The following TSNARE1 variants were observed in gnomAD, a reference collection of about 807,000 sequenced individuals.
TSNARE1 encodes t-SNARE domain containing 1, also known as t-SNARE domain-containing protein 1.
In TSNARE1, 49 loss-of-function variants were observed where a neutral mutation model predicts 62.0. The ratio of observed to expected loss-of-function variants is 0.79; its 90% CI spans 0.63 to 1.00. The LOEUF is 1.00. Ranked by LOEUF, TSNARE1 falls within the 50% of genes least tolerant of loss-of-function variation. The pLI is 0.00. For synonymous variants in TSNARE1, 328 were observed against 294.4 expected, an observed-to-expected ratio of 1.11 and a Z score of -1.17; for missense variants, 755 against 700.1, an observed-to-expected ratio of 1.08 and a Z score of -0.88.
In TSNARE1 at chr8:142,317,252, G is replaced by A. The variant is rs111256985; in HGVS notation, c.984+1292C>T. ...ACGACCAGCGGCTCACACTGTACGCGTGAAGCGGGTATGGCCAGCGGCTCA... is the reference window on the plus strand; with the variant it reads ...ACGACCAGCGGCTCACACTGTACGCATGAAGCGGGTATGGCCAGCGGCTCA... On this transcript the variant is annotated intron_variant, in intron 7 of 13. Coordinates refer to ENST00000524325, the MANE Select transcript of TSNARE1 (RefSeq NM_145003.5). Among the ~76,000 whole-genome samples, 18 of 138,894 alleles carry A rather than the reference G, an allele frequency of 1.3e-4. No homozygotes were observed. The East Asian group carries it at 1.3e-3, about 10-fold the overall frequency. 91.1% of individuals were successfully genotyped at this position (138,894 alleles called of 152,430 possible).
chr8:142,396,443 C>T (rs1277910149), intron 1 of TSNARE1, among the ~76,000 whole-genome samples: 1 of 152,168 alleles, frequency 6.6e-6, no homozygotes, highest in African/African-American at 2.4e-5. Context: ...ACCTGGATTC[C>T]TTCAAGCCTG....
At chr8:142,288,884 G>A (rs1823277871) in intron 10 of TSNARE1, among the ~76,000 whole-genome samples, 1 of 152,254 alleles carries the variant, frequency 6.6e-6, no homozygotes, top group Non-Finnish European at 1.5e-5. Context: ...TGTGAGAGGG[G>A]ACCATGGCTC....
chr8:142,380,040 C>T (rs35640229), intron 1 of TSNARE1, among the ~76,000 whole-genome samples: 20,536 of 152,144 alleles, frequency 0.13, 1,477 homozygotes, highest in East Asian at 0.22. Context: ...CTCCCCACTG[C>T]CAAATCTGCG....
At chr8:142,290,469 C>G (rs1328240391) in intron 10 of TSNARE1, among the ~76,000 whole-genome samples, 2 of 152,338 alleles carry the variant, frequency 1.3e-5, no homozygotes, top group African/African-American at 2.4e-5. Flanking sequence ...GCGGAAAAAG[C>G]CCCTTGCACG....
Position 142,317,342 on chromosome 8 carries a change from G to A in TSNARE1, c.984+1202C>T, listed in dbSNP as rs1170826420. 6.3e-5 allele frequency among the ~76,000 whole-genome samples: 9 copies of A among 142,262 alleles called. 1 individual carries two copies. The highest frequency in any genetic ancestry group is 2.3e-4 in the African/African-American group (9 of 38,316). The allele number at this position is 142,262 out of a possible 152,430, so 93.3% of individuals were successfully genotyped here. On this transcript the variant is annotated intron_variant, in intron 7 of 13. Coordinates refer to ENST00000524325, the MANE Select transcript of TSNARE1 (RefSeq NM_145003.5). ...TGTACGTGTGAAGCGGGTATGGCCA[G>A]CGGCTCACACTGTACGCGTGAAGCG...
chr8:142,328,048 C>G (rs1830505959), intron 6 of TSNARE1, among the ~76,000 whole-genome samples: 1 of 152,098 alleles, frequency 6.6e-6, no homozygotes, highest in Non-Finnish European at 1.5e-5. Context: ...GGAACAAGTC[C>G]AAAAGCCCCA....
intron 4 of TSNARE1, among the ~76,000 whole-genome samples, chr8:142,332,419 T>C (rs1257683392): frequency 6.6e-6 from 1 of 152,132 alleles, no homozygotes; most frequent in Admixed American, 6.6e-5. Flanking sequence ...GGAATGGGCA[T>C]GACTGCTGAT....
At chr8:142,340,501 T>C (rs923802068) in intron 4 of TSNARE1, among the ~76,000 whole-genome samples, 3 of 152,140 alleles carry the variant, frequency 2.0e-5, no homozygotes, top group African/African-American at 7.2e-5. Context: ...CGCTCTGGAA[T>C]TGAGACAGTG....
intron 9 of TSNARE1, among the ~76,000 whole-genome samples, chr8:142,312,876 C>G (rs1374049644): frequency 6.6e-6 from 1 of 152,226 alleles, no homozygotes; most frequent in Non-Finnish European, 1.5e-5. Flanking sequence ...TGGCAAATGT[C>G]CTGGGGGTGA....
chr8:142,290,044 C>T (rs2131040183), intron 10 of TSNARE1, among the ~76,000 whole-genome samples: 1 of 152,172 alleles, frequency 6.6e-6, no homozygotes, highest in East Asian at 1.9e-4. Context: ...GGGCAGGCCT[C>T]GGCTCCTGAG....
At chr8:142,374,310 A>G (rs1376999001) in intron 1 of TSNARE1, among the ~76,000 whole-genome samples, 3 of 151,768 alleles carry the variant, frequency 2.0e-5, no homozygotes, top group African/African-American at 7.3e-5. Flanking sequence ...GTCTCAAAAA[A>G]ACAAAAGAAA....
intron 1 of TSNARE1, chr8:142,402,793 G>C (rs1448772478): frequency 6.6e-6 from 1 of 152,156 alleles, no homozygotes; most frequent in East Asian, 1.9e-4. Context: ...CACCGACCTG[G>C]GGTCTGAACA....
rs116253215 is a variant in TSNARE1, at chr8:142,343,970, G to A, written c.741C>T (p.Pro247=). 1.1e-3 allele frequency: 1,735 copies of A among 1,525,802 alleles called. 19 individuals carry two copies. In the African/African-American group the frequency reaches 0.021, roughly 18 times the overall value. The allele number at this position is 1,525,802 out of a possible 1,614,324, so 94.5% of individuals were successfully genotyped here. A position where few individuals can be genotyped will look rare whatever the true frequency, so the allele number is the denominator to read the frequency against. The change falls in exon 4 of 14, where the codon CCC becomes CCT. Residue 247 remains proline, a synonymous_variant. Transcript: ENST00000524325. ...LPSEGFSLEP[P]RATQVDPCNL... is the part of the protein sequence containing the mutation. ...TGAGCTGAGCAAGGAACTCACCTCT[G>A]GGCGGCTCCAGACTGAAGCCCTCGG...
At chr8:142,371,450 G>A (rs568053481) in intron 1 of TSNARE1, among the ~76,000 whole-genome samples, 13 of 152,276 alleles carry the variant, frequency 8.5e-5, no homozygotes, top group East Asian at 3.9e-4. Flanking sequence ...GGTGATGCAC[G>A]ACTGTACAAA....
At chr8:142,251,266 A>C in intron 12 of TSNARE1, among the ~76,000 whole-genome samples, 1 of 142,598 alleles carries the variant, frequency 7.0e-6, no homozygotes, top group African/African-American at 2.5e-5. Flanking sequence ...CCCATGCCAC[A>C]CACTGCTGGC....
intron 1 of TSNARE1, among the ~76,000 whole-genome samples, chr8:142,396,835 A>G (rs906648490): frequency 1.3e-5 from 2 of 152,228 alleles, no homozygotes; most frequent in African/African-American, 4.8e-5. Context: ...CCCTGTGGTC[A>G]AAAGCAGGAG....
At chr8:142,360,626 C>T (rs972141621) in intron 1 of TSNARE1, among the ~76,000 whole-genome samples, 1 of 152,082 alleles carries the variant, frequency 6.6e-6, no homozygotes, top group African/African-American at 2.4e-5. Flanking sequence ...CCAGGGCCCC[C>T]GCCCCCCACC....
intron 12 of TSNARE1, among the ~76,000 whole-genome samples, chr8:142,243,969 C>T (rs1392729586): frequency 1.3e-5 from 2 of 151,872 alleles, no homozygotes; most frequent in Non-Finnish European, 2.9e-5. Context: ...AGGCGGATCA[C>T]GAGGTCAGGA....
At chr8:142,382,433 C>A (rs1169877419) in intron 1 of TSNARE1, among the ~76,000 whole-genome samples, 3 of 152,134 alleles carry the variant, frequency 2.0e-5, no homozygotes, top group Non-Finnish European at 2.9e-5. Context: ...GACCAGCTGC[C>A]GGCACTGCCC....
Sources: gnomAD v4.1 joint callset for allele counts (sites outside exome capture counted in the v4.1 genomes callset) on GRCh38, gnomAD v4.1.1 for gene constraint, MANE v1.5 for transcripts, NCBI Gene and HGNC (gene_info 2026-07-23, HGNC 2026-07-21) for gene names.